The following TMEM44 variants were observed in gnomAD, a reference collection of about 807,000 sequenced individuals.
TMEM44 encodes the protein transmembrane protein 44.
In TMEM44, 43 loss-of-function variants were observed where a neutral mutation model predicts 47.8. That is an observed-to-expected ratio of 0.90 (90% CI 0.70 to 1.16). The LOEUF is 1.16. Ranked by LOEUF, TMEM44 falls within the 50% of genes most tolerant of loss-of-function variation. The pLI is 0.00. For synonymous variants in TMEM44, 277 were observed against 238.8 expected, an observed-to-expected ratio of 1.16 and a Z score of -1.48; for missense variants, 568 against 555.2, an observed-to-expected ratio of 1.02 and a Z score of -0.23.
At chr3:194,589,641 T>C (rs1229218632) in intron 9 of TMEM44, 1 of 152,106 alleles carries the variant, frequency 6.6e-6, no homozygotes, top group Non-Finnish European at 1.5e-5. Flanking sequence ...GTTTGGGAAG[T>C]TGAAATTTGC....
intron 9 of TMEM44, among the ~76,000 whole-genome samples, chr3:194,601,816 G>C (rs1481961930): frequency 3.3e-5 from 5 of 152,136 alleles, no homozygotes; most frequent in African/African-American, 7.2e-5. Context: ...AAAGAACAAA[G>C]ACTGAAAAAC....
At chr3:194,623,362 T>G (rs1560194261) in intron 4 of TMEM44, 52 bp from the exon 5 acceptor site, 2 of 1,545,738 alleles carry the variant, frequency 1.3e-6, no homozygotes, top group South Asian at 1.2e-5. Context: ...AGACTGCCCA[T>G]GTGCCCCAAG....
chr3:194,621,176 G>A (rs1386328049), intron 5 of TMEM44, among the ~76,000 whole-genome samples: 2 of 152,110 alleles, frequency 1.3e-5, no homozygotes, highest in Admixed American at 6.5e-5. Context: ...GGAGCAAGTC[G>A]GACACAGAAA....
At chr3:194,612,758 G>A (rs891874047) in intron 7 of TMEM44, among the ~76,000 whole-genome samples, 3 of 152,122 alleles carry the variant, frequency 2.0e-5, no homozygotes, top group East Asian at 3.9e-4. Flanking sequence ...TCCGCCTTCT[G>A]GGTTCACGCC....
chr3:194,615,677 C>T lies in TMEM44; in HGVS notation c.804G>A (p.Val268=). The T allele has an allele frequency of 6.2e-7, 1 of 1,614,074 alleles. No individual in the cohort carries two copies. Among genetic ancestry groups the T allele is most frequent in the Non-Finnish European group, 8.5e-7 (1 of 1,179,950 alleles). ...AGGCCTGTCTCATCTTGCTCTTCAT[C>T]ACACACGAAAGGAAAATAATCTGAG... is the stretch of plus-strand genomic sequence containing the variant. ...LDLAIIFLSC[V]MKSKMRQALG... The change falls in exon 7 of 10, where the codon GTG becomes GTA. Residue 268 remains valine (V), a synonymous_variant. Transcript: ENST00000347147.
intron 9 of TMEM44, among the ~76,000 whole-genome samples, chr3:194,602,032 C>T (rs116722795): frequency 0.015 from 2,256 of 152,322 alleles, 54 homozygotes; most frequent in African/African-American, 0.051. Flanking sequence ...ATGCTCACTC[C>T]GGTCCCCTTT....
At chr3:194,612,272 C>G (rs535573729) in intron 7 of TMEM44, among the ~76,000 whole-genome samples, 1 of 152,180 alleles carries the variant, frequency 6.6e-6, no homozygotes, top group Non-Finnish European at 1.5e-5. Context: ...ATTTTGGCCC[C>G]CTTTTGGAAT....
At chr3:194,623,173 G>T in intron 5 of TMEM44, 51 bp downstream of exon 5, 1 of 1,525,790 alleles carries the variant, frequency 6.6e-7, no homozygotes, top group Non-Finnish European at 8.9e-7. Flanking sequence ...GCTCCCAGAT[G>T]CCCTGAGACT....
chr3:194,616,613 C>T (rs986323773), intron 6 of TMEM44: 2 of 456,746 alleles, frequency 4.4e-6, no homozygotes, highest in Non-Finnish European at 8.8e-6. Flanking sequence ...GAAGATTCCC[C>T]TCTTAGCGCC....
intron 1 of TMEM44, 36 bp downstream of exon 1, chr3:194,633,043 C>CCCGCCCAACAG (rs1553842588): frequency 2.6e-6 from 4 of 1,536,312 alleles, no homozygotes; most frequent in East Asian, 4.9e-5. Context: ...CGCCCGTTTC[C>CCCGCCCAACAG]CCGCCCGACA....
At chr3:194,613,057 C>T (rs1386433242) in intron 7 of TMEM44, among the ~76,000 whole-genome samples, 3 of 152,188 alleles carry the variant, frequency 2.0e-5, no homozygotes, top group Non-Finnish European at 4.4e-5. Context: ...GTTCTGACTA[C>T]TTGTAGAGGT....
At chr3:194,623,489 T>C (rs1218556603) in intron 4 of TMEM44, 40 bp downstream of exon 4, 36 of 1,548,542 alleles carry the variant, frequency 2.3e-5, no homozygotes, top group Non-Finnish European at 2.9e-5. Context: ...TGGCAGGACA[T>C]GCAGTACCCC....
chr3:194,633,041 T>TG lies in TMEM44; in HGVS notation c.137+37_137+38insC, dbSNP rs1717983272. 6 of 333,018 alleles carry TG rather than the reference T, an allele frequency of 1.8e-5. No homozygotes were observed. In the African/African-American group the frequency reaches 2.7e-4, roughly 15 times the overall value. 20.6% of individuals were successfully genotyped at this position (333,018 alleles called of 1,614,324 possible). A position where few individuals can be genotyped will look rare whatever the true frequency, so the allele number is the denominator to read the frequency against. Reference sequence around the variant, plus strand: ...GAGCAGCAGGGGATTGGCGCCCGTTTCCCCGCCCGACAGCCCCCCGACCCG... The same window carrying TG: ...GAGCAGCAGGGGATTGGCGCCCGTTTGCCCCGCCCGACAGCCCCCCGACCCG... On this transcript the variant is annotated intron_variant, in intron 1 of 9. Transcript: ENST00000347147.
chr3:194,621,854 G>A (rs1462994662), intron 5 of TMEM44, among the ~76,000 whole-genome samples: 1 of 152,130 alleles, frequency 6.6e-6, no homozygotes, highest in African/African-American at 2.4e-5. Context: ...TGGGATTACA[G>A]GCACCCGCCA....
At chr3:194,592,670 C>T (rs1305621158) in intron 9 of TMEM44, among the ~76,000 whole-genome samples, 5 of 151,884 alleles carry the variant, frequency 3.3e-5, no homozygotes, top group African/African-American at 4.8e-5. Flanking sequence ...GGCTGGAGTG[C>T]AATGGTGCAA....
intron 9 of TMEM44, among the ~76,000 whole-genome samples, chr3:194,599,185 G>A (rs769842112): frequency 6.6e-6 from 1 of 152,212 alleles, no homozygotes; most frequent in Non-Finnish European, 1.5e-5. Context: ...TCCAGGGTAT[G>A]GTCCGGAAGA....
chr3:194,599,586 C>CTTTTCTTTTTT (rs770911632), intron 9 of TMEM44, among the ~76,000 whole-genome samples: 8 of 129,030 alleles, frequency 6.2e-5, no homozygotes, highest in South Asian at 2.5e-4. Context: ...TTTTTCTTTT[C>CTTTTCTTTTTT]TTTTTTTTTT....
chr3:194,592,065 A>G (rs113432366), intron 9 of TMEM44, among the ~76,000 whole-genome samples: 47 of 152,124 alleles, frequency 3.1e-4, no homozygotes, highest in African/African-American at 1.0e-3. Context: ...AAAAATACAA[A>G]AAATTAGCCG....
chr3:194,608,973 C>T (rs1488206880), intron 8 of TMEM44, among the ~76,000 whole-genome samples: 1 of 152,158 alleles, frequency 6.6e-6, no homozygotes, highest in Non-Finnish European at 1.5e-5. Flanking sequence ...AGCCAGGAGG[C>T]TGCTGGACTC....
Sources: gnomAD v4.1 joint callset for allele counts (sites outside exome capture counted in the v4.1 genomes callset) on GRCh38, gnomAD v4.1.1 for gene constraint, MANE v1.5 for transcripts, NCBI Gene and HGNC (gene_info 2026-07-23, HGNC 2026-07-21) for gene names.